Variants in KMT2E observed in about 807,000 individuals in gnomAD.
KMT2E encodes the protein histone reader KMT2E.
In KMT2E, 30 loss-of-function variants were observed where a neutral mutation model predicts 184.6. The ratio of observed to expected loss-of-function variants is 0.16; its 90% CI spans 0.12 to 0.22. The LOEUF (loss-of-function observed/expected upper bound fraction) is 0.22, where lower values mean the gene tolerates loss of function less well. Ranked by LOEUF, KMT2E falls within the 10% of genes least tolerant of loss-of-function variation. The pLI is 1.00. For synonymous variants in KMT2E, 815 were observed against 776.5 expected (o/e 1.05, Z -0.82); for missense variants, 2,023 against 2,237.4 (o/e 0.90, Z 1.93).
chr7:105,096,717 G>A (rs1377836752), intron 15 of KMT2E, among the ~76,000 whole-genome samples: 2 of 152,214 alleles, frequency 1.3e-5, no homozygotes, highest in Non-Finnish European at 2.9e-5. Context: ...ACAACCACTT[G>A]AGGAAAGATA....
rs149376606 is a variant in KMT2E, at chr7:105,084,991, GATAGA to G, written c.1358+3200_1358+3204del. ...TTGTGTATATTTTATGGTAATAAAT[GATAGA>G]ATAGACTACTATCTACATGCATATG... On this transcript the variant is annotated intron_variant, in intron 13 of 26. Transcript: ENST00000311117. Among the ~76,000 whole-genome samples the G allele has an allele frequency of 2.2e-3, 334 of 152,000 alleles. 1 individual carries two copies. Among genetic ancestry groups the G allele is most frequent in the Non-Finnish European group, 3.7e-3 (253 of 67,988 alleles).
At chr7:105,100,843 TGAAAA>T (rs1224607775) in intron 15 of KMT2E, among the ~76,000 whole-genome samples, 1 of 152,110 alleles carries the variant, frequency 6.6e-6, no homozygotes, top group Non-Finnish European at 1.5e-5. Flanking sequence ...TTGCCAGACT[TGAAAA>T]GAGAGAAGAG....
chr7:105,107,325 ATTAT>A (rs1457150242), intron 21 of KMT2E, 33 bp from the exon 22 acceptor site: 8 of 1,526,896 alleles, frequency 5.2e-6, no homozygotes, highest in African/African-American at 2.8e-5. Context: ...CCAAGATGTG[ATTAT>A]TTGTGTAATT....
intron 1 of KMT2E, among the ~76,000 whole-genome samples, chr7:105,016,894 T>C (rs532931594): frequency 2.0e-5 from 3 of 152,352 alleles, no homozygotes; most frequent in Admixed American, 6.5e-5. Context: ...GCTCAAGGAT[T>C]TTCTACATAC....
intron 6 of KMT2E, 75 bp downstream of exon 6, chr7:105,066,882 A>C: frequency 7.4e-6 from 8 of 1,081,898 alleles, no homozygotes. Flanking sequence ...TTCCTTTATG[A>C]ATTCGAGTTA....
At chr7:105,111,080 T>C in intron 26 of KMT2E, 1 of 545,248 alleles carries the variant, frequency 1.8e-6, no homozygotes. Context: ...CATTCAAGTT[T>C]TCTAAGCACA....
At chr7:105,059,275 G>A (rs1173677544) in intron 3 of KMT2E, among the ~76,000 whole-genome samples, 3 of 152,160 alleles carry the variant, frequency 2.0e-5, no homozygotes, top group Admixed American at 6.5e-5. Context: ...GTTTTGCAGA[G>A]TTTGATCTAA....
intron 15 of KMT2E, among the ~76,000 whole-genome samples, chr7:105,100,207 T>C (rs939957366): frequency 6.6e-6 from 1 of 152,202 alleles, no homozygotes; most frequent in African/African-American, 2.4e-5. Context: ...AATTAGAAAC[T>C]TAGAAGTATT....
intron 1 of KMT2E, among the ~76,000 whole-genome samples, chr7:105,024,659 T>A (rs568236684): frequency 6.6e-6 from 1 of 152,332 alleles, no homozygotes; most frequent in South Asian, 2.1e-4. Flanking sequence ...TTTTATTTTA[T>A]AAGGAGATTG....
chr7:105,044,521 G>T (rs1312677763), intron 3 of KMT2E, among the ~76,000 whole-genome samples: 1 of 152,216 alleles, frequency 6.6e-6, no homozygotes, highest in Non-Finnish European at 1.5e-5. Context: ...TTTAGTGGTA[G>T]AGGTAGGACT....
intron 3 of KMT2E, among the ~76,000 whole-genome samples, chr7:105,053,844 C>T (rs1483444952): frequency 6.6e-6 from 1 of 152,142 alleles, no homozygotes; most frequent in Admixed American, 6.5e-5. Flanking sequence ...CACTGCACTC[C>T]AGCTTGGGTG....
intron 25 of KMT2E, 56 bp downstream of exon 25, chr7:105,110,658 G>A: frequency 6.2e-7 from 1 of 1,609,308 alleles, no homozygotes; most frequent in Non-Finnish European, 8.5e-7. Flanking sequence ...AATCAGACAA[G>A]AGAGCCTTTA....
chr7:105,063,732 C>T (rs1475236543), intron 5 of KMT2E, 152 bp downstream of exon 5: 3 of 584,094 alleles, frequency 5.1e-6, no homozygotes, highest in South Asian at 4.7e-5. Context: ...GAAAAAGCCT[C>T]CTATGTGAAA....
chr7:105,044,775 C>T (rs1796027944), intron 3 of KMT2E, among the ~76,000 whole-genome samples: 1 of 152,140 alleles, frequency 6.6e-6, no homozygotes, highest in Admixed American at 6.6e-5. Context: ...AAATTGCCCT[C>T]TGAAGATCCA....
intron 1 of KMT2E, among the ~76,000 whole-genome samples, chr7:105,036,176 T>G (rs937717974): frequency 2.8e-4 from 39 of 140,176 alleles, no homozygotes; most frequent in Admixed American, 7.8e-4. Context: ...GTTCTTTTGG[T>G]TTTTTTTTTT....
chr7:105,080,927 T>C (rs6963395), intron 12 of KMT2E, among the ~76,000 whole-genome samples: 90,198 of 151,896 alleles, frequency 0.59, 28,574 homozygotes, highest in East Asian at 0.92. Context: ...CACTTGAATC[T>C]GAGAGGTTGG....
chr7:105,015,597 G>GT (rs1222619634), intron 1 of KMT2E, among the ~76,000 whole-genome samples: 1 of 152,104 alleles, frequency 6.6e-6, no homozygotes, highest in Non-Finnish European at 1.5e-5. Flanking sequence ...AAAATAGTCT[G>GT]TTTTTTTCCT....
intron 1 of KMT2E, among the ~76,000 whole-genome samples, chr7:105,021,447 CCTG>C (rs1488125014): frequency 6.6e-6 from 1 of 152,158 alleles, no homozygotes; most frequent in Non-Finnish European, 1.5e-5. Context: ...TTCTTAAAAG[CCTG>C]CTGTTTTAGA....
intron 3 of KMT2E, among the ~76,000 whole-genome samples, chr7:105,052,318 T>C (rs1796384228): frequency 6.6e-6 from 1 of 152,220 alleles, no homozygotes; most frequent in African/African-American, 2.4e-5. Context: ...TAAACTCAAA[T>C]ATCACATACT....
Sources: allele counts gnomAD v4.1 joint callset (sites outside exome capture counted in the v4.1 genomes callset), GRCh38; gene constraint gnomAD v4.1.1; transcripts MANE v1.5; gene names NCBI Gene and HGNC (gene_info 2026-07-23, HGNC 2026-07-21).